ATRNL1: variants seen among roughly 807,000 people sequenced by gnomAD.
ATRNL1 encodes the protein attractin like 1, also known as attractin-like protein 1.
ATRNL1 carries 95 observed loss-of-function variants against 182.7 expected under a neutral mutation model. The observed-to-expected ratio is 0.52, with a 90% CI of 0.44 to 0.62. The LOEUF is 0.62. ATRNL1 is among the 20% of genes least tolerant of loss of function. ATRNL1 has a pLI of 0.00. For synonymous variants in ATRNL1, 576 were observed against 568.3 expected, an observed-to-expected ratio of 1.01 and a Z score of -0.19; for missense variants, 1,471 against 1,679.5, an observed-to-expected ratio of 0.88 and a Z score of 2.17.
At chr10:115,291,621 G>T (rs1554920847) in intron 15 of ATRNL1, among the ~76,000 whole-genome samples, 1 of 152,018 alleles carries the variant, frequency 6.6e-6, no homozygotes. Context: ...TGAGATGATT[G>T]TATGGTTTTT....
chr10:115,220,984 C>G (rs1276159752), intron 9 of ATRNL1, among the ~76,000 whole-genome samples: 2 of 152,140 alleles, frequency 1.3e-5, no homozygotes, highest in African/African-American at 4.8e-5. Context: ...TCTGTATTTG[C>G]AGCCACTCCC....
At chr10:115,349,799 A>G (rs1045573894) in intron 19 of ATRNL1, among the ~76,000 whole-genome samples, 1 of 151,936 alleles carries the variant, frequency 6.6e-6, no homozygotes, top group Admixed American at 6.6e-5. Context: ...TAATTGTATT[A>G]TTATTATTAT....
intron 28 of ATRNL1, among the ~76,000 whole-genome samples, chr10:115,864,800 A>G (rs1056608376): frequency 3.3e-4 from 50 of 152,184 alleles, no homozygotes; most frequent in Admixed American, 2.2e-3. Flanking sequence ...GGCTAACACG[A>G]TGAAACCCCG....
Position 115,093,428 on chromosome 10 carries a change from TC to T in ATRNL1, c.-319del, listed in dbSNP as rs2084926274. 2.6e-6 allele frequency: 1 copy of T among 386,572 alleles called. No homozygotes were observed. The highest frequency in any genetic ancestry group is 4.6e-5 in the Admixed American group (1 of 21,724). 23.9% of individuals were successfully genotyped at this position (386,572 alleles called of 1,614,324 possible). The stretch of plus-strand genomic sequence containing the variant: ...GGGTCCCCTCCTCCTGCCGGTCAGG[TC>T]CCCTCAGGAGCGCCGGGCGCAGTCT... On this transcript the variant is annotated 5_prime_UTR_variant, in exon 1 of 29. Transcript: ENST00000355044. This position sits in a 1 kb window ranked among gnomAD's most constrained non-coding sequence, Gnocchi z 6.1.
chr10:115,378,985 A>G (rs1857831476), intron 19 of ATRNL1, among the ~76,000 whole-genome samples: 1 of 152,168 alleles, frequency 6.6e-6, no homozygotes, highest in Admixed American at 6.5e-5. Context: ...ACTGATTTTG[A>G]AGCAGGTACT....
chr10:115,387,796 T>C (rs1424502666), intron 19 of ATRNL1, among the ~76,000 whole-genome samples: 3 of 152,220 alleles, frequency 2.0e-5, no homozygotes, highest in Non-Finnish European at 4.4e-5. Flanking sequence ...TATATTCCAT[T>C]GTATGGATAT....
chr10:115,410,838 A>G (rs1554959732), intron 20 of ATRNL1, among the ~76,000 whole-genome samples: 1 of 152,030 alleles, frequency 6.6e-6, no homozygotes, highest in African/African-American at 2.4e-5. Flanking sequence ...CGTGGGTTCA[A>G]GTGATTCTTC....
intron 24 of ATRNL1, among the ~76,000 whole-genome samples, chr10:115,480,988 A>G (rs1442803136): frequency 2.6e-5 from 4 of 150,984 alleles, no homozygotes; most frequent in Middle Eastern, 6.8e-3. Context: ...AATTTGAGTA[A>G]AGAAGATTTT....
intron 8 of ATRNL1, among the ~76,000 whole-genome samples, chr10:115,207,510 T>C (rs1339002482): frequency 2.6e-5 from 4 of 152,112 alleles, no homozygotes; most frequent in Admixed American, 6.6e-5. Context: ...CAAGGAATTT[T>C]GTTGTCATCT....
At chr10:115,127,999 C>G (rs1845049689) in intron 4 of ATRNL1, among the ~76,000 whole-genome samples, 1 of 152,146 alleles carries the variant, frequency 6.6e-6, no homozygotes, top group Non-Finnish European at 1.5e-5. Context: ...TGTAGCTTTA[C>G]TGGTAGCAAC....
chr10:115,273,493 T>C (rs144902160), intron 13 of ATRNL1, among the ~76,000 whole-genome samples: 45 of 152,276 alleles, frequency 3.0e-4, no homozygotes, highest in African/African-American at 1.0e-3. Context: ...AGACAAACCA[T>C]TGGCCACAGC....
chr10:115,465,294 T>C (rs1441782510), intron 22 of ATRNL1, among the ~76,000 whole-genome samples: 4 of 151,696 alleles, frequency 2.6e-5, no homozygotes, highest in African/African-American at 9.7e-5. Flanking sequence ...ATATCTACCT[T>C]TGATATCTGG....
intron 27 of ATRNL1, among the ~76,000 whole-genome samples, chr10:115,736,300 C>G (rs573529780): frequency 4.7e-4 from 72 of 152,000 alleles, no homozygotes; most frequent in Non-Finnish European, 9.1e-4. Flanking sequence ...CTGTTTTTGA[C>G]CTGCTTTCTA....
intron 27 of ATRNL1, among the ~76,000 whole-genome samples, chr10:115,763,512 C>T (rs1555074206): frequency 3.3e-5 from 5 of 152,068 alleles, no homozygotes. Flanking sequence ...GCATTCCATT[C>T]AAGAGGGAAC....
At chr10:115,709,567 T>A (rs1822252790) in intron 26 of ATRNL1, among the ~76,000 whole-genome samples, 1 of 151,692 alleles carries the variant, frequency 6.6e-6, no homozygotes, top group Non-Finnish European at 1.5e-5. Flanking sequence ...GATTCAGAGA[T>A]GAGAAAATGT....
intron 27 of ATRNL1, among the ~76,000 whole-genome samples, chr10:115,838,606 C>T (rs181248703): frequency 6.6e-6 from 1 of 152,098 alleles, no homozygotes; most frequent in Non-Finnish European, 1.5e-5. Flanking sequence ...GGAAAAGAAA[C>T]CCCTAGGGCT....
chr10:115,113,478 A>G (rs1413139191), intron 1 of ATRNL1, among the ~76,000 whole-genome samples: 1 of 152,126 alleles, frequency 6.6e-6, no homozygotes, highest in Non-Finnish European at 1.5e-5. Flanking sequence ...TTGAATTACC[A>G]CGTGTTGTGG....
At chr10:115,190,747 C>T (rs1554889683) in intron 8 of ATRNL1, among the ~76,000 whole-genome samples, 1 of 151,946 alleles carries the variant, frequency 6.6e-6, no homozygotes, top group African/African-American at 2.4e-5. Context: ...TTATTTATTG[C>T]TTTTGCATCA....
intron 26 of ATRNL1, among the ~76,000 whole-genome samples, chr10:115,664,714 G>A (rs1860900005): frequency 6.6e-6 from 1 of 151,932 alleles, no homozygotes; most frequent in African/African-American, 2.4e-5. Flanking sequence ...ACATTTCAAA[G>A]TTTATTTTTT....
Sources: gnomAD v4.1 joint callset for allele counts (sites outside exome capture counted in the v4.1 genomes callset) on GRCh38, gnomAD v4.1.1 for gene constraint, Gnocchi (gnomAD v3.1) non-coding constraint, MANE v1.5 for transcripts, NCBI Gene and HGNC (gene_info 2026-07-23, HGNC 2026-07-21) for gene names.